KCNIP4: variants seen among roughly 807,000 people sequenced by gnomAD.
KCNIP4 encodes potassium voltage-gated channel interacting protein 4.
KCNIP4 carries 12 observed loss-of-function variants against 34.0 expected under a neutral mutation model. The ratio of observed to expected loss-of-function variants is 0.35; its 90% CI spans 0.23 to 0.57. The LOEUF (loss-of-function observed/expected upper bound fraction) is 0.57, where lower values mean the gene tolerates loss of function less well. Ranked by LOEUF, KCNIP4 falls within the 20% of genes least tolerant of loss-of-function variation. The probability of loss-of-function intolerance (pLI) is 0.83; values close to 1 mark genes in which losing one functional copy is unlikely to be tolerated. For synonymous variants in KCNIP4, 124 were observed against 102.2 expected, an observed-to-expected ratio of 1.21 and a Z score of -1.29; for missense variants, 238 against 311.7, an observed-to-expected ratio of 0.76 and a Z score of 1.78.
chr4:20,775,488 G>A (rs1756294632), intron 3 of KCNIP4, among the ~76,000 whole-genome samples: 2 of 150,276 alleles, frequency 1.3e-5, no homozygotes, highest in South Asian at 2.1e-4. Context: ...ATTGCTTGAG[G>A]CCAGGAGTCC....
At chr4:21,185,352 T>A (rs1426311999) in intron 1 of KCNIP4, among the ~76,000 whole-genome samples, 1 of 148,520 alleles carries the variant, frequency 6.7e-6, no homozygotes, top group Non-Finnish European at 1.5e-5. Flanking sequence ...CCTCCTTTTC[T>A]TCTTTATCTT....
intron 1 of KCNIP4, among the ~76,000 whole-genome samples, chr4:21,822,771 G>A (rs535405170): frequency 3.3e-4 from 49 of 146,694 alleles, no homozygotes; most frequent in African/African-American, 1.2e-3. Context: ...AGGCTGGAGC[G>A]CGGTGGCGCA....
intron 1 of KCNIP4, among the ~76,000 whole-genome samples, chr4:21,085,661 G>A (rs1746361275): frequency 6.6e-6 from 1 of 152,120 alleles, no homozygotes; most frequent in South Asian, 2.1e-4. Context: ...GGCAGATCCT[G>A]AGACAAGGAA....
chr4:20,845,966 G>A (rs1720319595), intron 3 of KCNIP4, among the ~76,000 whole-genome samples: 1 of 152,154 alleles, frequency 6.6e-6, no homozygotes, highest in Non-Finnish European at 1.5e-5. Context: ...CTGAACTCCT[G>A]ATCCTTGGGA....
intron 1 of KCNIP4, among the ~76,000 whole-genome samples, chr4:21,397,334 T>A (rs1723090448): frequency 6.6e-6 from 1 of 152,214 alleles, no homozygotes; most frequent in Non-Finnish European, 1.5e-5. Context: ...ACACCTGGGA[T>A]GATGGAGACA....
intron 4 of KCNIP4, among the ~76,000 whole-genome samples, chr4:20,756,470 C>T (rs1215787270): frequency 6.6e-6 from 1 of 152,134 alleles, no homozygotes; most frequent in Non-Finnish European, 1.5e-5. Flanking sequence ...AAACAATGTC[C>T]AGTCTTTTCT....
chr4:21,466,594 G>T (rs891233497), intron 1 of KCNIP4, among the ~76,000 whole-genome samples: 1 of 152,118 alleles, frequency 6.6e-6, no homozygotes, highest in Non-Finnish European at 1.5e-5. Flanking sequence ...AAGAGAATAA[G>T]AGAGAGAATG....
At chr4:20,793,779 T>A (rs1396706180) in intron 3 of KCNIP4, among the ~76,000 whole-genome samples, 2 of 151,950 alleles carry the variant, frequency 1.3e-5, no homozygotes, top group Non-Finnish European at 1.5e-5. Flanking sequence ...GATGATCCCA[T>A]CTGAGGGTGA....
At chr4:20,923,752 T>C (rs1431339802) in intron 1 of KCNIP4, among the ~76,000 whole-genome samples, 1 of 152,168 alleles carries the variant, frequency 6.6e-6, no homozygotes, top group East Asian at 1.9e-4. Context: ...CATGTTAAAC[T>C]GTGACTTATT....
At chr4:21,107,450 C>T (rs976879413) in intron 1 of KCNIP4, among the ~76,000 whole-genome samples, 18 of 151,220 alleles carry the variant, frequency 1.2e-4, no homozygotes, top group African/African-American at 2.7e-4. Flanking sequence ...TCCATTTGCT[C>T]GGTAGATTTT....
intron 1 of KCNIP4, among the ~76,000 whole-genome samples, chr4:21,720,034 AAGG>A (rs1162324747): frequency 1.7e-4 from 25 of 148,760 alleles, no homozygotes; most frequent in African/African-American, 5.2e-4. Flanking sequence ...GGAGAAGGAG[AAGG>A]AGAAGGAGAA....
chr4:21,278,817 A>C (rs1035663606), intron 1 of KCNIP4, among the ~76,000 whole-genome samples: 1 of 152,210 alleles, frequency 6.6e-6, no homozygotes, highest in Admixed American at 6.5e-5. Flanking sequence ...ACATATACAG[A>C]AACTTTGGCA....
chr4:21,089,044 T>G (rs1328269708), intron 1 of KCNIP4, among the ~76,000 whole-genome samples: 2 of 152,208 alleles, frequency 1.3e-5, no homozygotes, highest in African/African-American at 4.8e-5. Flanking sequence ...ACTAAAAATA[T>G]AACTCTATTA....
intron 1 of KCNIP4, among the ~76,000 whole-genome samples, chr4:20,969,108 C>G (rs1464075961): frequency 6.6e-6 from 1 of 152,122 alleles, no homozygotes; most frequent in African/African-American, 2.4e-5. Context: ...AATACTTCAT[C>G]TGGTACAAAA....
intron 1 of KCNIP4, among the ~76,000 whole-genome samples, chr4:21,860,568 A>T (rs1725014195): frequency 6.6e-6 from 1 of 152,218 alleles, no homozygotes. Context: ...GCTTAAAAAG[A>T]AATTTGATAC....
At chr4:20,842,516 T>G (rs752493315) in intron 3 of KCNIP4, among the ~76,000 whole-genome samples, 11 of 138,958 alleles carry the variant, frequency 7.9e-5, no homozygotes, top group East Asian at 6.4e-4. Flanking sequence ...ATCTGACTTA[T>G]AGTAGATGTT....
chr4:21,269,310 T>C (rs1266345178), intron 1 of KCNIP4, among the ~76,000 whole-genome samples: 1 of 152,196 alleles, frequency 6.6e-6, no homozygotes, highest in Non-Finnish European at 1.5e-5. Flanking sequence ...ACATCATAAG[T>C]AAGTGTGATG....
intron 1 of KCNIP4, among the ~76,000 whole-genome samples, chr4:21,910,882 G>T (rs79616838): frequency 6.6e-6 from 1 of 152,080 alleles, no homozygotes; most frequent in Non-Finnish European, 1.5e-5. Context: ...TTAAGGGGCC[G>T]AGGCCATTCA....
chr4:20,975,307 A>G (rs1735371667), intron 1 of KCNIP4, among the ~76,000 whole-genome samples: 2 of 152,224 alleles, frequency 1.3e-5, no homozygotes, highest in Admixed American at 1.3e-4. Context: ...TCTGAATAGT[A>G]ATGTAATTTT....
Sources: gnomAD v4.1 joint callset for allele counts (sites outside exome capture counted in the v4.1 genomes callset) on GRCh38, gnomAD v4.1.1 for gene constraint, MANE v1.5 for transcripts, NCBI Gene and HGNC (gene_info 2026-07-23, HGNC 2026-07-21) for gene names.